Variants in WAC observed in about 807,000 individuals in gnomAD.
WAC encodes the protein WW domain-containing adapter protein with coiled-coil.
Under a neutral mutation model 79.6 loss-of-function variants are expected in WAC, and 11 were observed. The ratio of observed to expected loss-of-function variants is 0.14; its 90% CI spans 0.09 to 0.23. WAC has a LOEUF of 0.23. Ranked by LOEUF, WAC falls within the 10% of genes least tolerant of loss-of-function variation. The probability of loss-of-function intolerance (pLI) is 1.00; values close to 1 mark genes in which losing one functional copy is unlikely to be tolerated. For missense variants in WAC, 728 were observed against 773.5 expected (o/e 0.94, Z 0.70); for synonymous variants, 304 against 276.9 (o/e 1.10, Z -0.97).
intron 7 of WAC, among the ~76,000 whole-genome samples, chr10:28,600,107 A>G (rs910016143): frequency 6.6e-6 from 1 of 152,148 alleles, no homozygotes; most frequent in Admixed American, 6.5e-5. Flanking sequence ...CTATTTAGTG[A>G]TTTAGAATTA....
At chr10:28,580,387 G>A (rs770721468) in intron 3 of WAC, among the ~76,000 whole-genome samples, 17 of 152,186 alleles carry the variant, frequency 1.1e-4, no homozygotes, top group Non-Finnish European at 1.9e-4. Flanking sequence ...AACCTCATGA[G>A]AGAGGTCAAT....
At chr10:28,543,082 A>C (rs1012650139) in intron 3 of WAC, among the ~76,000 whole-genome samples, 16 of 152,246 alleles carry the variant, frequency 1.1e-4, no homozygotes, top group African/African-American at 3.6e-4. Flanking sequence ...ATTTTGGATT[A>C]GCATTCCTCA....
chr10:28,623,083 T>A lies in WAC; in HGVS notation c.*3477T>A, dbSNP rs1841746854. On this transcript the variant is annotated 3_prime_UTR_variant, in exon 14 of 14. Coordinates refer to ENST00000354911, the MANE Select transcript of WAC (RefSeq NM_016628.5). ...ATAATTTGCATTTGAGTAAGGAAAT[T>A]TAAAATACAGATTACTGCTGAGATT... The A allele has an allele frequency of 6.6e-6, 1 of 152,238 alleles. No individual in the cohort carries two copies. Among genetic ancestry groups the A allele is most frequent in the African/African-American group, 2.4e-5 (1 of 41,456 alleles). The allele number at this position is 152,238 out of a possible 1,614,324, so 9.4% of individuals were successfully genotyped here.
intron 3 of WAC, among the ~76,000 whole-genome samples, chr10:28,560,118 G>C (rs1838221146): frequency 6.6e-6 from 1 of 152,138 alleles, no homozygotes; most frequent in African/African-American, 2.4e-5. Context: ...GACATGGGAG[G>C]ATTGCTTGAG....
At chr10:28,562,034 C>A (rs940246489) in intron 3 of WAC, among the ~76,000 whole-genome samples, 3 of 152,094 alleles carry the variant, frequency 2.0e-5, no homozygotes, top group African/African-American at 7.2e-5. Context: ...ATGCTACAGA[C>A]AGCTGAGATT....
chr10:28,588,416 A>C (rs57224415), intron 4 of WAC, among the ~76,000 whole-genome samples: 4 of 152,144 alleles, frequency 2.6e-5, no homozygotes, highest in African/African-American at 9.6e-5. Context: ...TCTTTTTCCA[A>C]CTGCCTTCAG....
chr10:28,549,794 C>G (rs1055036679), intron 3 of WAC, among the ~76,000 whole-genome samples: 4 of 152,118 alleles, frequency 2.6e-5, no homozygotes, highest in African/African-American at 7.2e-5. Context: ...CTGAAATGAA[C>G]TGTTATGTCC....
chr10:28,546,705 CAGAA>C (rs1467523770), intron 3 of WAC, among the ~76,000 whole-genome samples: 20 of 152,194 alleles, frequency 1.3e-4, no homozygotes, highest in Admixed American at 7.2e-4. Context: ...TTTGGAAAAA[CAGAA>C]TGAACTCTCC....
At position 28,543,002 on chromosome 10, in the gene WAC, T is replaced by C. The variant is rs559201203; in HGVS notation, c.274+7245T>C. ...ACCTTGAATAGTGCCTGAAACTTTA[T>C]AGCATTTAACTAAATGGATAGATAA... On this transcript the variant is annotated intron_variant, in intron 3 of 13. Transcript: ENST00000354911. Among the ~76,000 whole-genome samples the C allele has an allele frequency of 3.4e-4, 52 of 152,300 alleles. 1 individual carries two copies. The highest frequency in any genetic ancestry group is 1.2e-3 in the African/African-American group (49 of 41,582).
At chr10:28,554,783 C>CT (rs1340876702) in intron 3 of WAC, among the ~76,000 whole-genome samples, 1 of 152,194 alleles carries the variant, frequency 6.6e-6, no homozygotes, top group African/African-American at 2.4e-5. Flanking sequence ...CCGCTTTGCT[C>CT]TTTCATTGAA....
chr10:28,596,802 C>T lies in WAC; in HGVS notation c.919+761C>T, dbSNP rs144741408. ...AGCAGACCATTAGTAAGTGTTGATG[C>T]GCTTTTAAATGTGCTGTGGGTTTAG... On this transcript the variant is annotated intron_variant, in intron 7 of 13. Transcript: ENST00000354911. Among the ~76,000 whole-genome samples the T allele has an allele frequency of 3.9e-5, 6 of 152,158 alleles. No homozygotes were observed. In the East Asian group the frequency reaches 5.8e-4, roughly 15 times the overall value.
chr10:28,619,578 T>TA lies in WAC; in HGVS notation c.1922dup (p.Asn641LysfsTer11). ...CAACAAATTAAGGAACTTGAAAAGC[T>TA]AAAAAATCAGAATTCCTTCATGGTG... On this transcript the variant is annotated frameshift_variant, in exon 14 of 14. Coordinates refer to ENST00000354911, the MANE Select transcript of WAC (RefSeq NM_016628.5). LOFTEE classifies it high-confidence loss of function. The TA allele has an allele frequency of 6.3e-7, 1 of 1,580,042 alleles. No individual in the cohort carries two copies. The highest frequency in any genetic ancestry group is 8.5e-7 in the Non-Finnish European group (1 of 1,171,462).
chr10:28,533,418 G>C lies in WAC; in HGVS notation c.-162G>C, dbSNP rs888804594. On this transcript the variant is annotated 5_prime_UTR_variant, in exon 1 of 14. Coordinates refer to ENST00000354911, the MANE Select transcript of WAC (RefSeq NM_016628.5). Reference sequence around the variant, plus strand: ...GTCGACGGAGGGAGATGGCCCGGGAGCGCCGGCGCCAGTAACTGGGAGCTG... The same window carrying C: ...GTCGACGGAGGGAGATGGCCCGGGACCGCCGGCGCCAGTAACTGGGAGCTG... 7 of 182,162 alleles carry C rather than the reference G, an allele frequency of 3.8e-5. No individual in the cohort carries two copies. Among genetic ancestry groups the C allele is most frequent in the African/African-American group, 1.7e-4 (7 of 41,734 alleles). 11.3% of individuals were successfully genotyped at this position (182,162 alleles called of 1,614,324 possible).
intron 3 of WAC, 136 bp from the exon 4 acceptor site, chr10:28,583,263 T>C (rs1839632659): frequency 3.5e-6 from 2 of 573,376 alleles, no homozygotes; most frequent in Non-Finnish European, 5.8e-6. Flanking sequence ...AAAGTATGAC[T>C]GTGTATATAT....
At chr10:28,570,475 A>G (rs1046834196) in intron 3 of WAC, among the ~76,000 whole-genome samples, 1 of 152,234 alleles carries the variant, frequency 6.6e-6, no homozygotes, top group Non-Finnish European at 1.5e-5. Context: ...TATGGAGCCC[A>G]GAGGGTCTAA....
chr10:28,534,224 A>G, intron 2 of WAC, 190 bp downstream of exon 2: 1 of 488,836 alleles, frequency 2.0e-6, no homozygotes, highest in East Asian at 3.5e-5. Context: ...TTAGTGACTT[A>G]TTTTGACAGG....
chr10:28,549,740 T>C (rs1449786881), intron 3 of WAC, among the ~76,000 whole-genome samples: 4 of 152,200 alleles, frequency 2.6e-5, no homozygotes, highest in Non-Finnish European at 5.9e-5. Flanking sequence ...CTTCCACATA[T>C]ACTTATCAGA....
intron 3 of WAC, among the ~76,000 whole-genome samples, chr10:28,536,260 AG>A (rs1326008337): frequency 1.6e-4 from 22 of 141,176 alleles, no homozygotes; most frequent in African/African-American, 5.8e-4. Context: ...AAAAAAAAAA[AG>A]CGGACTTTAG....
Position 28,536,219 on chromosome 10 carries a change from G to T in WAC, c.274+462G>T, listed in dbSNP as rs565025381. Among the ~76,000 whole-genome samples, 3 of 147,636 alleles carry T rather than the reference G, an allele frequency of 2.0e-5. No homozygotes were observed. In the East Asian group the frequency reaches 6.0e-4, roughly 30 times the overall value. ...CCTGAGATGGTGCCACTGCACTCCAGCCTGGGTGCTAGAGTGAGACTCCAT... is the reference window on the plus strand; with the variant it reads ...CCTGAGATGGTGCCACTGCACTCCATCCTGGGTGCTAGAGTGAGACTCCAT... On this transcript the variant is annotated intron_variant, in intron 3 of 13. Transcript: ENST00000354911.
Sources: gnomAD v4.1 joint callset for allele counts (sites outside exome capture counted in the v4.1 genomes callset) on GRCh38, gnomAD v4.1.1 for gene constraint, MANE v1.5 for transcripts, NCBI Gene and HGNC (gene_info 2026-07-23, HGNC 2026-07-21) for gene names.